CDH4: variants seen among roughly 807,000 people sequenced by gnomAD.
CDH4 encodes cadherin 4.
CDH4 carries 33 observed loss-of-function variants against 86.0 expected under a neutral mutation model. The ratio of observed to expected loss-of-function variants is 0.38; its 90% CI spans 0.29 to 0.51. The LOEUF is 0.51. Among genes scored for constraint, CDH4 ranks in the 20% least tolerant of loss-of-function variants. CDH4 has a pLI of 0.86. For synonymous variants in CDH4, 555 were observed against 549.4 expected, an observed-to-expected ratio of 1.01 and a Z score of -0.14; for missense variants, 1,114 against 1,307.4, an observed-to-expected ratio of 0.85 and a Z score of 2.28.
At chr20:61,666,153 C>T (rs1445718568) in intron 2 of CDH4, among the ~76,000 whole-genome samples, 3 of 152,210 alleles carry the variant, frequency 2.0e-5, no homozygotes, top group African/African-American at 7.2e-5. Flanking sequence ...AGGCCATGGC[C>T]TCCTGCCCTC....
chr20:61,831,032 G>A (rs768859682), intron 4 of CDH4, among the ~76,000 whole-genome samples: 8 of 152,134 alleles, frequency 5.3e-5, no homozygotes, highest in African/African-American at 1.2e-4. Flanking sequence ...AAAGAGGGCC[G>A]GGGTCTCGCC....
At chr20:61,444,487 G>A (rs111212439) in intron 2 of CDH4, among the ~76,000 whole-genome samples, 6 of 136,524 alleles carry the variant, frequency 4.4e-5, no homozygotes, top group African/African-American at 1.6e-4. Context: ...GTTTCTCTGT[G>A]TGTGTCTGTG....
intron 3 of CDH4, 132 bp downstream of exon 3, chr20:61,743,921 C>T (rs1310414203): frequency 4.2e-6 from 3 of 709,236 alleles, no homozygotes; most frequent in Non-Finnish European, 7.2e-6. Context: ...GCCACTCAGG[C>T]CATTGCCAAC....
At chr20:61,671,749 A>C (rs937364283) in intron 2 of CDH4, among the ~76,000 whole-genome samples, 2 of 149,460 alleles carry the variant, frequency 1.3e-5, no homozygotes, top group African/African-American at 5.0e-5. Context: ...TGATGAATGA[A>C]TGATGGGTGG....
intron 4 of CDH4, among the ~76,000 whole-genome samples, chr20:61,840,951 A>G (rs1203896522): frequency 6.6e-6 from 1 of 152,252 alleles, no homozygotes; most frequent in Non-Finnish European, 1.5e-5. Flanking sequence ...CTTTCCTTGA[A>G]AAACAAATTC....
intron 2 of CDH4, among the ~76,000 whole-genome samples, chr20:61,368,929 A>G (rs1319165744): frequency 1.3e-5 from 2 of 152,216 alleles, no homozygotes; most frequent in Non-Finnish European, 2.9e-5. Flanking sequence ...TGTTGACACA[A>G]TCCACTGAGA....
chr20:61,282,457 T>C (rs963328222), intron 2 of CDH4, among the ~76,000 whole-genome samples: 2 of 152,228 alleles, frequency 1.3e-5, no homozygotes, highest in Non-Finnish European at 2.9e-5. Context: ...TTAAAGACTT[T>C]AGAAAACAGA....
chr20:61,354,084 A>G (rs1451520261), intron 2 of CDH4, among the ~76,000 whole-genome samples: 2 of 152,038 alleles, frequency 1.3e-5, no homozygotes, highest in Non-Finnish European at 2.9e-5. Flanking sequence ...CTCAAGGGAC[A>G]TTCGAGAACG....
At chr20:61,891,137 G>T (rs1984800972) in intron 7 of CDH4, among the ~76,000 whole-genome samples, 2 of 152,164 alleles carry the variant, frequency 1.3e-5, no homozygotes, top group South Asian at 4.1e-4. Context: ...GCACAGTGCA[G>T]ACAGGGCGCC....
chr20:61,363,934 AG>A (rs1223003999), intron 2 of CDH4, among the ~76,000 whole-genome samples: 1 of 152,206 alleles, frequency 6.6e-6, no homozygotes, highest in Non-Finnish European at 1.5e-5. Flanking sequence ...GGTGTATTAA[AG>A]GCATTTTCAG....
At chr20:61,358,055 T>G (rs1352685094) in intron 2 of CDH4, among the ~76,000 whole-genome samples, 4 of 152,204 alleles carry the variant, frequency 2.6e-5, no homozygotes, top group African/African-American at 9.7e-5. Flanking sequence ...AGTGCGCTCC[T>G]TCCCTGTCGC....
chr20:61,706,319 G>A (rs973522534), intron 2 of CDH4, among the ~76,000 whole-genome samples: 10 of 152,112 alleles, frequency 6.6e-5, no homozygotes, highest in Non-Finnish European at 1.5e-5. Context: ...AGGGCCGGGG[G>A]GGATGAGAGA....
intron 2 of CDH4, among the ~76,000 whole-genome samples, chr20:61,638,770 C>T (rs373572570): frequency 1.3e-5 from 2 of 152,144 alleles, no homozygotes; most frequent in East Asian, 1.9e-4. Flanking sequence ...AACAGAGGTG[C>T]TCTATGGGAG....
intron 2 of CDH4, among the ~76,000 whole-genome samples, chr20:61,594,166 AG>A (rs987460171): frequency 1.3e-5 from 1 of 79,962 alleles, no homozygotes. Context: ...TTGGGGAAAG[AG>A]GGGGGAAAGG....
intron 2 of CDH4, among the ~76,000 whole-genome samples, chr20:61,442,410 C>T (rs2085319429): frequency 1.5e-5 from 2 of 129,524 alleles, no homozygotes; most frequent in Non-Finnish European, 3.4e-5. Context: ...CGCTTATGCT[C>T]ATCATCTGCT....
In CDH4 at chr20:61,414,646, G is replaced by A. The variant is rs1425853412; in HGVS notation, c.169+159709G>A. 4.6e-5 allele frequency among the ~76,000 whole-genome samples: 7 copies of A among 152,310 alleles called. No individual in the cohort carries two copies. The East Asian group carries it at 1.4e-3, about 29-fold the overall frequency. ...CCGTGTGATGGGGTGGTGGAGGGGG[G>A]CATTGCTATAAACAGGGGCTTGCTG... On this transcript the variant is annotated intron_variant, in intron 2 of 15. Coordinates refer to ENST00000614565, the MANE Select transcript of CDH4 (RefSeq NM_001794.5).
intron 2 of CDH4, among the ~76,000 whole-genome samples, chr20:61,305,501 A>G (rs538505172): frequency 8.5e-5 from 13 of 152,352 alleles, no homozygotes; most frequent in African/African-American, 2.9e-4. Flanking sequence ...AAGACTTTGA[A>G]CAGCCTGAGG....
At chr20:61,724,840 G>A (rs2088091190) in intron 2 of CDH4, among the ~76,000 whole-genome samples, 1 of 152,230 alleles carries the variant, frequency 6.6e-6, no homozygotes, top group Non-Finnish European at 1.5e-5. Flanking sequence ...GCCAGGCATA[G>A]TGGCTCATGC....
intron 2 of CDH4, among the ~76,000 whole-genome samples, chr20:61,626,990 CG>C (rs2086835558): frequency 6.6e-6 from 1 of 152,064 alleles, no homozygotes; most frequent in South Asian, 2.1e-4. Flanking sequence ...CTGGCTCACA[CG>C]GTGGCAAGAG....
Sources: gnomAD v4.1 joint callset for allele counts (sites outside exome capture counted in the v4.1 genomes callset) on GRCh38, gnomAD v4.1.1 for gene constraint, MANE v1.5 for transcripts, NCBI Gene and HGNC (gene_info 2026-07-23, HGNC 2026-07-21) for gene names.